NRXN1: variants seen among roughly 807,000 people sequenced by gnomAD.
The protein encoded by NRXN1 is neurexin 1, also known as neurexin-1.
In NRXN1, 39 loss-of-function variants were observed where a neutral mutation model predicts 150.9. The observed-to-expected ratio is 0.26, with a 90% CI of 0.20 to 0.34. NRXN1 has a LOEUF of 0.34. Among genes scored for constraint, NRXN1 ranks in the 10% least tolerant of loss-of-function variants. The probability of loss-of-function intolerance (pLI) is 1.00; values close to 1 mark genes in which losing one functional copy is unlikely to be tolerated. For missense variants in NRXN1, 1,815 were observed against 1,949.9 expected, an observed-to-expected ratio of 0.93 and a Z score of 1.30; for synonymous variants, 924 against 757.0, an observed-to-expected ratio of 1.22 and a Z score of -3.62.
At chr2:50,375,214 T>C (rs1014156610) in intron 17 of NRXN1, among the ~76,000 whole-genome samples, 2 of 152,024 alleles carry the variant, frequency 1.3e-5, no homozygotes, top group Non-Finnish European at 2.9e-5. Context: ...TCTTGAATAA[T>C]TGATGTAGCT....
At chr2:50,053,171 T>A in intron 21 of NRXN1, 100 bp downstream of exon 21, 3 of 1,221,126 alleles carry the variant, frequency 2.5e-6, no homozygotes, top group Non-Finnish European at 3.6e-6. Context: ...GTGCCTAAGA[T>A]CAGAAAAATG....
chr2:50,113,716 T>A lies in NRXN1; in HGVS notation c.3547-22222A>T, dbSNP rs538658748. On this transcript the variant is annotated intron_variant, in intron 18 of 22. Transcript: ENST00000401669. ...TTGTGACTCCCTTTATCTTTGATGC[T>A]CACGTATAATCCACCTTAAAAGGCT... Among the ~76,000 whole-genome samples, 5 of 152,324 alleles carry A rather than the reference T, an allele frequency of 3.3e-5. No individual in the cohort carries two copies. In the East Asian group the frequency reaches 9.7e-4, roughly 29 times the overall value.
chr2:49,924,894 G>C (rs1668820579), intron 22 of NRXN1, among the ~76,000 whole-genome samples: 1 of 152,130 alleles, frequency 6.6e-6, no homozygotes, highest in African/African-American at 2.4e-5. Context: ...GGAATAGGTA[G>C]TTACTCCAAT....
chr2:50,175,952 A>C (rs61586910), intron 18 of NRXN1, among the ~76,000 whole-genome samples: 40,501 of 151,980 alleles, frequency 0.27, 5,856 homozygotes, highest in African/African-American at 0.34. Flanking sequence ...TAGAGAGAAG[A>C]AATTCACAAA....
In NRXN1 at chr2:50,472,059, C is replaced by CAA. The variant is rs3214378; in HGVS notation, c.3244+237_3244+238dup. Among the ~76,000 whole-genome samples, 594 of 150,926 alleles carry CAA rather than the reference C, an allele frequency of 3.9e-3. 3 individuals carry two copies. Among genetic ancestry groups the CAA allele is most frequent in the African/African-American group, 0.012 (494 of 41,174 alleles). On this transcript the variant is annotated intron_variant, in intron 16 of 22. Transcript: ENST00000401669. ...AAACAAAAACAAAAGCAAAAACAGG[C>CAA]AAAAAAACCAAGATCCATAGATATA... is the stretch of plus-strand genomic sequence containing the variant.
At chr2:50,244,349 A>G (rs1285198445) in intron 17 of NRXN1, among the ~76,000 whole-genome samples, 4 of 151,874 alleles carry the variant, frequency 2.6e-5, no homozygotes, top group Non-Finnish European at 1.5e-5. Flanking sequence ...GGACAATCAA[A>G]TATGCACCAT....
intron 18 of NRXN1, among the ~76,000 whole-genome samples, chr2:50,222,451 C>A (rs1029081198): frequency 1.3e-5 from 2 of 151,942 alleles, no homozygotes; most frequent in African/African-American, 4.8e-5. Context: ...TCATACACTG[C>A]TGGTGGGAGT....
At position 50,790,225 on chromosome 2, in the gene NRXN1, A is replaced by G. The variant is rs560236504; in HGVS notation, c.832+131644T>C. Among the ~76,000 whole-genome samples the G allele has an allele frequency of 1.6e-3, 249 of 151,750 alleles. 1 individual carries two copies. Among genetic ancestry groups the G allele is most frequent in the Non-Finnish European group, 2.8e-3 (192 of 67,920 alleles). ...AAATGTGCCCCATTCAGTTCTTGCA[A>G]CTCTTCCCACTTATCCACTCTGTTC... On this transcript the variant is annotated intron_variant, in intron 5 of 22. Coordinates refer to ENST00000401669, the MANE Select transcript of NRXN1 (RefSeq NM_001330078.2).
chr2:50,759,194 G>C (rs891843627), intron 5 of NRXN1, among the ~76,000 whole-genome samples: 1 of 151,898 alleles, frequency 6.6e-6, no homozygotes, highest in African/African-American at 2.4e-5. Flanking sequence ...TAATGCCAAT[G>C]TATATTTCAA....
chr2:50,337,689 A>C (rs1362671924), intron 17 of NRXN1, among the ~76,000 whole-genome samples: 1 of 152,180 alleles, frequency 6.6e-6, no homozygotes, highest in Non-Finnish European at 1.5e-5. Context: ...GGCTTTTATG[A>C]GGGAGAATTG....
chr2:50,652,252 C>T (rs1685749295), intron 5 of NRXN1, among the ~76,000 whole-genome samples: 1 of 151,964 alleles, frequency 6.6e-6, no homozygotes, highest in South Asian at 2.1e-4. Flanking sequence ...ATTTACAGAC[C>T]ATAAAATTCA....
intron 5 of NRXN1, among the ~76,000 whole-genome samples, chr2:50,788,422 C>G (rs1173163331): frequency 6.6e-6 from 1 of 152,044 alleles, no homozygotes; most frequent in Non-Finnish European, 1.5e-5. Flanking sequence ...CAAGAGCTTT[C>G]TGTTGAGACT....
At chr2:50,164,440 T>C (rs2059552348) in intron 18 of NRXN1, among the ~76,000 whole-genome samples, 1 of 152,210 alleles carries the variant, frequency 6.6e-6, no homozygotes, top group Non-Finnish European at 1.5e-5. Flanking sequence ...GTCATGCTTT[T>C]CTCTTTTCAT....
chr2:50,037,045 A>G (rs1690148369), intron 21 of NRXN1, among the ~76,000 whole-genome samples: 1 of 152,224 alleles, frequency 6.6e-6, no homozygotes, highest in African/African-American at 2.4e-5. Flanking sequence ...GGAACACATC[A>G]AAAACTAAAT....
In NRXN1 at chr2:50,845,942, T is replaced by A. The variant is rs189084590; in HGVS notation, c.832+75927A>T. On this transcript the variant is annotated intron_variant, in intron 5 of 22. Coordinates refer to ENST00000401669, the MANE Select transcript of NRXN1 (RefSeq NM_001330078.2). ...CTCTAGCAATAGCACAGCCCATGAA[T>A]TTGTTAGCTTGCAATCAACTGCTAA... Among the ~76,000 whole-genome samples, 296 of 152,308 alleles carry A rather than the reference T, an allele frequency of 1.9e-3. 2 individuals are homozygous for A. Among genetic ancestry groups the A allele is most frequent in the African/African-American group, 6.8e-3 (282 of 41,578 alleles).
At chr2:50,159,397 TC>T (rs143394045) in intron 18 of NRXN1, among the ~76,000 whole-genome samples, 3,360 of 152,242 alleles carry the variant, frequency 0.022, 119 homozygotes, top group African/African-American at 0.077. Context: ...AATTTACTGT[TC>T]TATCATTGGA....
intron 18 of NRXN1, among the ~76,000 whole-genome samples, chr2:50,106,043 T>C (rs1439475450): frequency 6.6e-6 from 1 of 151,990 alleles, no homozygotes; most frequent in Admixed American, 6.6e-5. Context: ...AATGTTAATC[T>C]TGTTTCTCTA....
At chr2:50,383,027 A>G (rs1175808810) in intron 17 of NRXN1, among the ~76,000 whole-genome samples, 1 of 152,086 alleles carries the variant, frequency 6.6e-6, no homozygotes, top group African/African-American at 2.4e-5. Flanking sequence ...CCATCATCAT[A>G]TATGTTCTTG....
intron 5 of NRXN1, among the ~76,000 whole-genome samples, chr2:50,712,310 C>T (rs1574203803): frequency 1.3e-5 from 2 of 152,068 alleles, no homozygotes; most frequent in African/African-American, 4.8e-5. Flanking sequence ...ATCAAAGCAA[C>T]ATAATTAATT....
Sources: allele counts gnomAD v4.1 joint callset (sites outside exome capture counted in the v4.1 genomes callset), GRCh38; gene constraint gnomAD v4.1.1; transcripts MANE v1.5; gene names NCBI Gene and HGNC (gene_info 2026-07-23, HGNC 2026-07-21).